The following ESR1 variants were observed in gnomAD, a reference collection of about 807,000 sequenced individuals.
ESR1 encodes the protein estrogen receptor.
Under a neutral mutation model 52.7 loss-of-function variants are expected in ESR1, and 12 were observed. The observed-to-expected ratio is 0.23, with a 90% CI of 0.15 to 0.37. The LOEUF (loss-of-function observed/expected upper bound fraction) is 0.37, where lower values mean the gene tolerates loss of function less well. Among genes scored for constraint, ESR1 ranks in the 10% least tolerant of loss-of-function variants. The probability of loss-of-function intolerance (pLI) is 1.00; values close to 1 mark genes in which losing one functional copy is unlikely to be tolerated. For missense variants in ESR1, 584 were observed against 779.7 expected (o/e 0.75, Z 2.99); for synonymous variants, 305 against 316.8 (o/e 0.96, Z 0.39).
At chr6:151,817,913 A>G (rs750068984) in intron 1 of ESR1, among the ~76,000 whole-genome samples, 8 of 152,202 alleles carry the variant, frequency 5.3e-5, no homozygotes, top group African/African-American at 1.9e-4. Context: ...ATAAAATCCC[A>G]AATATCAGTA....
At chr6:151,662,578 C>G (rs1464274991) in intron 1 of ESR1, among the ~76,000 whole-genome samples, 1 of 152,112 alleles carries the variant, frequency 6.6e-6, no homozygotes, top group Non-Finnish European at 1.5e-5. Context: ...ACCTCATTAT[C>G]CCTCAACCCT....
intron 2 of ESR1, among the ~76,000 whole-genome samples, chr6:151,709,201 T>C (rs1780398694): frequency 6.6e-6 from 1 of 152,168 alleles, no homozygotes; most frequent in Non-Finnish European, 1.5e-5. Context: ...TCAACCTTTT[T>C]AGACTCTACA....
chr6:152,110,389 C>T (rs994826023), intron 6 of ESR1, among the ~76,000 whole-genome samples: 4 of 152,056 alleles, frequency 2.6e-5, no homozygotes, highest in Admixed American at 6.6e-5. Context: ...ACATGGATGG[C>T]GCTGGAGGCC....
At chr6:151,777,138 A>T (rs1246534459) in intron 2 of ESR1, among the ~76,000 whole-genome samples, 1 of 145,402 alleles carries the variant, frequency 6.9e-6, no homozygotes, top group Non-Finnish European at 1.5e-5. Context: ...TTTTTTTGAG[A>T]CAGAGTCTTG....
intron 2 of ESR1, among the ~76,000 whole-genome samples, chr6:151,784,234 T>C (rs1786810007): frequency 1.3e-5 from 2 of 152,178 alleles, no homozygotes; most frequent in Admixed American, 6.5e-5. Flanking sequence ...CACAAATTAT[T>C]TGGAATTCTT....
At chr6:152,049,290 A>G (rs1461618428) in intron 5 of ESR1, among the ~76,000 whole-genome samples, 2 of 152,252 alleles carry the variant, frequency 1.3e-5, no homozygotes, top group African/African-American at 4.8e-5. Flanking sequence ...ACCCAAAAGT[A>G]TAAGAAAAGA....
chr6:151,688,983 ATTAAG>A (rs1241327484), upstream of ESR1, among the ~76,000 whole-genome samples: 15 of 152,224 alleles, frequency 9.9e-5, no homozygotes, highest in Admixed American at 9.8e-4. Flanking sequence ...TTAAAGGATA[ATTAAG>A]TTAATTTATA....
chr6:152,012,348 G>GTTT (rs753000352), intron 5 of ESR1, among the ~76,000 whole-genome samples: 159 of 140,242 alleles, frequency 1.1e-3, no homozygotes, highest in African/African-American at 3.9e-3. Flanking sequence ...GGGTCCCATT[G>GTTT]TTTTTTTTTT....
rs2050858515 is a variant in ESR1 at position 152,098,951 on chromosome 6, C to T, written c.1773C>T (p.Phe591=). 1 of 1,613,916 alleles carries T rather than the reference C, an allele frequency of 6.2e-7. No individual in the cohort carries two copies. The highest frequency in any genetic ancestry group is 2.2e-5 in the East Asian group (1 of 44,888). Residue 591 remains phenylalanine (F), a synonymous_variant, in exon 8 of 8, where the codon TTC becomes TTT. Coordinates refer to ENST00000206249, the MANE Select transcript of ESR1 (RefSeq NM_000125.4). This position sits in a 1 kb window ranked among gnomAD's most constrained non-coding sequence, Gnocchi z 5.1. ...KYYITGEAEG[F]PATV Reference sequence around the variant, plus strand: ...ACATCACGGGGGAGGCAGAGGGTTTCCCTGCCACGGTCTGAGAGCTCCCTG... The same window carrying T: ...ACATCACGGGGGAGGCAGAGGGTTTTCCTGCCACGGTCTGAGAGCTCCCTG...
intron 2 of ESR1, among the ~76,000 whole-genome samples, chr6:151,706,737 A>C (rs1562343777): frequency 6.6e-6 from 1 of 152,206 alleles, no homozygotes; most frequent in Non-Finnish European, 1.5e-5. Flanking sequence ...ACATGGAGGA[A>C]GTGTTTCCAG....
intron 2 of ESR1, among the ~76,000 whole-genome samples, chr6:151,851,530 GTT>G (rs11386586): frequency 7.0e-6 from 1 of 142,338 alleles, no homozygotes. Context: ...TGATGAAGGA[GTT>G]TTTTTTTTTT....
At chr6:151,820,604 C>T (rs776490317) in intron 1 of ESR1, among the ~76,000 whole-genome samples, 23 of 152,078 alleles carry the variant, frequency 1.5e-4, no homozygotes, top group African/African-American at 2.9e-4. Flanking sequence ...TTTTAACCCA[C>T]GACATTATGC....
At chr6:151,899,179 C>A (rs1281093368) in intron 3 of ESR1, among the ~76,000 whole-genome samples, 8 of 146,114 alleles carry the variant, frequency 5.5e-5, no homozygotes, top group African/African-American at 1.8e-4. Context: ...AGAGGGGCTC[C>A]TCACTTCCCA....
intron 4 of ESR1, among the ~76,000 whole-genome samples, chr6:151,963,972 T>A (rs2982687): frequency 0.6 from 90,706 of 151,988 alleles, 27,896 homozygotes; most frequent in Middle Eastern, 0.73. Context: ...TGTAAATAAG[T>A]TGATCTTACT....
intron 3 of ESR1, among the ~76,000 whole-genome samples, chr6:151,922,914 A>G (rs2031982907): frequency 6.6e-6 from 1 of 152,186 alleles, no homozygotes; most frequent in Non-Finnish European, 1.5e-5. Context: ...GATGTCTCCA[A>G]TTCTAACCTG....
At chr6:151,936,393 A>T (rs996531686) in intron 3 of ESR1, among the ~76,000 whole-genome samples, 1 of 152,092 alleles carries the variant, frequency 6.6e-6, no homozygotes. Flanking sequence ...CCACCCTCTA[A>T]TTTTTCTCAG....
chr6:151,955,842 C>A (rs1470106973), intron 4 of ESR1, among the ~76,000 whole-genome samples: 1 of 152,076 alleles, frequency 6.6e-6, no homozygotes. Context: ...GCATAGTACC[C>A]AACAGTATTT....
chr6:152,062,142 T>C (rs2047595282), intron 6 of ESR1, among the ~76,000 whole-genome samples: 1 of 152,186 alleles, frequency 6.6e-6, no homozygotes, highest in African/African-American at 2.4e-5. Flanking sequence ...AATCCGCACT[T>C]CCTTCTCTTT....
downstream of ESR1, among the ~76,000 whole-genome samples, chr6:152,103,691 A>G (rs1412909442): frequency 6.6e-6 from 1 of 152,184 alleles, no homozygotes; most frequent in Non-Finnish European, 1.5e-5. Flanking sequence ...GAGAGTGGTT[A>G]TTTATGAATG....
Sources: allele counts gnomAD v4.1 joint callset (sites outside exome capture counted in the v4.1 genomes callset), GRCh38; gene constraint gnomAD v4.1.1; non-coding constraint Gnocchi (gnomAD v3.1); transcripts MANE v1.5; gene names NCBI Gene and HGNC (gene_info 2026-07-23, HGNC 2026-07-21).